CSF2RA: variants seen among roughly 807,000 people sequenced by gnomAD.
CSF2RA encodes the protein granulocyte-macrophage colony-stimulating factor receptor subunit alpha.
Under a neutral mutation model 51.6 loss-of-function variants are expected in CSF2RA, and 42 were observed. The observed-to-expected ratio is 0.81, with a 90% CI of 0.64 to 1.05. The LOEUF (loss-of-function observed/expected upper bound fraction) is 1.05. CSF2RA is among the 50% of genes least tolerant of loss of function. The pLI is 0.00. For missense variants in CSF2RA, 530 were observed against 501.1 expected (o/e 1.06, Z -0.55); for synonymous variants, 222 against 193.0 (o/e 1.15, Z -1.24).
intron 10 of CSF2RA, 41 bp downstream of exon 10, chrX:1,300,667 C>A (rs371066262): frequency 1.2e-6 from 2 of 1,613,526 alleles, no homozygotes; most frequent in African/African-American, 1.3e-5. Flanking sequence ...GTGCCGTCTG[C>A]GGCCACCCTG....
chrX:1,273,242 C>G (rs1281676948), intron 1 of CSF2RA, among the ~76,000 whole-genome samples: 2 of 151,484 alleles, frequency 1.3e-5, no homozygotes, highest in Non-Finnish European at 2.9e-5. Flanking sequence ...TACTTTCCAA[C>G]CTGACTCTGG....
chrX:1,319,242 C>T, the CSF2RA span, among the ~76,000 whole-genome samples: 2 of 149,926 alleles, frequency 1.3e-5, no homozygotes, highest in African/African-American at 2.4e-5. Flanking sequence ...GTGATCCACC[C>T]GGCTCGGCCT....
the CSF2RA span, among the ~76,000 whole-genome samples, chrX:1,316,457 A>C: frequency 6.6e-6 from 1 of 152,108 alleles, no homozygotes; most frequent in Non-Finnish European, 1.5e-5. Flanking sequence ...GCCAGCAAAG[A>C]TACTACCAGG....
At chrX:1,324,141 C>T in the CSF2RA span, among the ~76,000 whole-genome samples, 8 of 151,832 alleles carry the variant, frequency 5.3e-5, no homozygotes, top group Admixed American at 2.6e-4. Context: ...GCTAAGATCA[C>T]GCCGCTGCAC....
chrX:1,303,051 T>TTTTATTTA (rs766528148), intron 10 of CSF2RA: 1 of 230,474 alleles, frequency 4.3e-6, no homozygotes, highest in African/African-American at 2.5e-5. Flanking sequence ...GTATTTTTAT[T>TTTTATTTA]TTTATTTATT....
chrX:1,321,924 T>C, the CSF2RA span, among the ~76,000 whole-genome samples: 1 of 151,822 alleles, frequency 6.6e-6, no homozygotes, highest in Admixed American at 6.6e-5. Flanking sequence ...CATCATGAGG[T>C]CGGGAGTTCG....
chrX:1,316,015 T>G, the CSF2RA span, among the ~76,000 whole-genome samples: 28,102 of 114,680 alleles, frequency 0.25, 3,495 homozygotes, highest in East Asian at 0.7. Flanking sequence ...TAGATAGATA[T>G]ATAGATAGAT....
intron 2 of CSF2RA, among the ~76,000 whole-genome samples, chrX:1,275,337 G>A (rs1182671388): frequency 6.6e-6 from 1 of 151,692 alleles, no homozygotes; most frequent in Non-Finnish European, 1.5e-5. Flanking sequence ...GTTGCAGTGA[G>A]CCAAGATCGC....
At chrX:1,289,824 GTGTTTGTT>G (rs1386827716) in intron 6 of CSF2RA, among the ~76,000 whole-genome samples, 22 of 99,922 alleles carry the variant, frequency 2.2e-4, no homozygotes, top group Admixed American at 1.1e-3. Flanking sequence ...GTTTTGTTTT[GTGTTTGTT>G]TTTGTTTTGT....
Position 1,287,589 on chromosome X carries a change from G to A in CSF2RA, c.220-930G>A, listed in dbSNP as rs1422881702. ...CTCCTGAGTAGCTGGGATTACAGGT[G>A]CCCACCACCACACCTGGCTAATTTT... On this transcript the variant is annotated intron_variant, in intron 4 of 12. Transcript: ENST00000381529. 6.1e-5 allele frequency among the ~76,000 whole-genome samples: 9 copies of A among 148,254 alleles called. No individual in the cohort carries two copies. In the South Asian group the frequency reaches 6.4e-4, roughly 11 times the overall value.
the CSF2RA span, among the ~76,000 whole-genome samples, chrX:1,323,023 G>A: frequency 1.3e-5 from 2 of 151,864 alleles, no homozygotes; most frequent in Non-Finnish European, 2.9e-5. Flanking sequence ...CAGCTACTCG[G>A]GAGGCTGAGG....
chrX:1,280,078 C>A (rs1271621496), intron 2 of CSF2RA, among the ~76,000 whole-genome samples: 1 of 152,070 alleles, frequency 6.6e-6, no homozygotes, highest in Admixed American at 6.6e-5. Context: ...GCGTGAGCCA[C>A]TGTGCCCGGC....
intron 12 of CSF2RA, among the ~76,000 whole-genome samples, chrX:1,308,877 C>G (rs1228689639): frequency 6.6e-6 from 1 of 152,306 alleles, no homozygotes; most frequent in South Asian, 2.1e-4. Flanking sequence ...AAAGACCACC[C>G]TGTTCATCGT....
At chrX:1,313,675 G>A (rs2084282042), downstream of CSF2RA, among the ~76,000 whole-genome samples, 1 of 151,726 alleles carries the variant, frequency 6.6e-6, no homozygotes, top group African/African-American at 2.4e-5. Context: ...TCACGCCATT[G>A]CACTCCAATC....
At chrX:1,319,570 G>A in the CSF2RA span, among the ~76,000 whole-genome samples, 2 of 150,096 alleles carry the variant, frequency 1.3e-5, no homozygotes, top group African/African-American at 4.9e-5. Context: ...CTACAGGCAT[G>A]AGCCACCATG....
intron 7 of CSF2RA, among the ~76,000 whole-genome samples, chrX:1,291,688 T>G (rs776457824): frequency 7.2e-5 from 11 of 151,924 alleles, no homozygotes; most frequent in Admixed American, 6.6e-4. Flanking sequence ...CCAGTGGGTA[T>G]CTCTCCTGTA....
chrX:1,314,395 A>G (rs185278954), downstream of CSF2RA, among the ~76,000 whole-genome samples: 117 of 135,372 alleles, frequency 8.6e-4, no homozygotes, highest in African/African-American at 2.0e-3. Context: ...CTGCCCAACC[A>G]CACTGCACCT....
intron 12 of CSF2RA, 30 bp downstream of exon 12, chrX:1,305,557 G>T: frequency 6.2e-7 from 1 of 1,613,982 alleles, no homozygotes; most frequent in Non-Finnish European, 8.5e-7. Context: ...GCAGTGACCT[G>T]GGATGGAAGG....
the CSF2RA span, among the ~76,000 whole-genome samples, chrX:1,323,813 A>G: frequency 0.036 from 5,483 of 150,860 alleles, 95 homozygotes; most frequent in South Asian, 0.052. Flanking sequence ...AGGAGATCGA[A>G]ACCATCCTGG....
Sources: gnomAD v4.1 joint callset for allele counts (sites outside exome capture counted in the v4.1 genomes callset) on GRCh38, gnomAD v4.1.1 for gene constraint, MANE v1.5 for transcripts, NCBI Gene and HGNC (gene_info 2026-07-23, HGNC 2026-07-21) for gene names.